MTCL1: variants seen among roughly 807,000 people sequenced by gnomAD.
MTCL1 encodes microtubule crosslinking factor 1.
MTCL1 carries 79 observed loss-of-function variants against 141.4 expected under a neutral mutation model. The ratio of observed to expected loss-of-function variants is 0.56; its 90% CI spans 0.47 to 0.67. The LOEUF (loss-of-function observed/expected upper bound fraction) is 0.67, where lower values mean the gene tolerates loss of function less well. Among genes scored for constraint, MTCL1 ranks in the 30% least tolerant of loss-of-function variants. MTCL1 has a pLI of 0.00. For synonymous variants in MTCL1, 914 were observed against 875.8 expected (o/e 1.04, Z -0.77); for missense variants, 2,177 against 2,113.9 (o/e 1.03, Z -0.59).
chr18:8,825,796 C>T, exon 15 of MTCL1: 1 of 1,614,192 alleles, frequency 6.2e-7, no homozygotes, highest in South Asian at 1.1e-5. Flanking sequence ...CGCTCCACCA[C>T]CACAAGGGAG....
Position 8,782,886 on chromosome 18 carries a change from T to C in MTCL1, c.418-644T>C, listed in dbSNP as rs138644182. ...CCTCATGTTTTTGTCATGTCATTCT[T>C]GTGGGACATTAGGGCTGGGGAGACC... On this transcript the variant is annotated intron_variant, in intron 5 of 16. Coordinates refer to ENST00000359865, the Ensembl canonical transcript of MTCL1. 1.6e-4 allele frequency among the ~76,000 whole-genome samples: 25 copies of C among 152,328 alleles called. No individual in the cohort carries two copies. In the East Asian group the frequency reaches 4.2e-3, roughly 26 times the overall value.
intron 4 of MTCL1, among the ~76,000 whole-genome samples, chr18:8,767,495 C>G (rs2096464876): frequency 6.6e-6 from 1 of 152,192 alleles, no homozygotes; most frequent in African/African-American, 2.4e-5. Context: ...TTACTGTCCT[C>G]AAATATACAT....
At chr18:8,732,859 C>T (rs768215116) in intron 4 of MTCL1, among the ~76,000 whole-genome samples, 2 of 152,264 alleles carry the variant, frequency 1.3e-5, no homozygotes, top group Admixed American at 6.5e-5. Context: ...TTCCTTGCAT[C>T]GTAGATATGC....
intron 5 of MTCL1, 54 bp downstream of exon 4, chr18:8,777,946 A>ATTTTGACTTCAC (rs2096517926): frequency 1.3e-6 from 2 of 1,526,628 alleles, no homozygotes; most frequent in Non-Finnish European, 1.8e-6. Flanking sequence ...AAGTCAACTC[A>ATTTTGACTTCAC]TTTTGAATGT....
At chr18:8,723,921 A>G (rs2096190244) in intron 4 of MTCL1, among the ~76,000 whole-genome samples, 1 of 151,862 alleles carries the variant, frequency 6.6e-6, no homozygotes. Context: ...TTCCATTGAT[A>G]AGAAATATCC....
chr18:8,807,122 G>A (rs1395509918), intron 11 of MTCL1, 62 bp downstream of exon 10: 2 of 1,495,292 alleles, frequency 1.3e-6, no homozygotes, highest in Non-Finnish European at 1.8e-6. Flanking sequence ...AGGATATGTG[G>A]CGGGGGAGCG....
chr18:8,729,176 C>G (rs1418454804), intron 4 of MTCL1, among the ~76,000 whole-genome samples: 1 of 116,482 alleles, frequency 8.6e-6, no homozygotes, highest in East Asian at 3.1e-4. Context: ...CTTTCCACCC[C>G]CACCCCCGGC....
At chr18:8,756,260 C>T (rs2096397101) in intron 4 of MTCL1, among the ~76,000 whole-genome samples, 1 of 152,088 alleles carries the variant, frequency 6.6e-6, no homozygotes, top group Admixed American at 6.5e-5. Flanking sequence ...CACATTTCCA[C>T]TACAGAACAG....
chr18:8,802,261 G>C (rs2076147127), intron 10 of MTCL1: 2 of 152,218 alleles, frequency 1.3e-5, no homozygotes, highest in Non-Finnish European at 2.9e-5. Flanking sequence ...GAATTCTCCT[G>C]CCTCTGTCAA....
At chr18:8,829,850 G>T (rs1293934481) in intron 16 of MTCL1, 15 of 985,120 alleles carry the variant, frequency 1.5e-5, no homozygotes, top group African/African-American at 1.7e-5. Context: ...GTACATGCCG[G>T]TGTGTTACTA....
At chr18:8,829,393 A>G in intron 16 of MTCL1, 1 of 985,300 alleles carries the variant, frequency 1.0e-6, no homozygotes, top group Middle Eastern at 5.2e-4. Flanking sequence ...GTGTGACCCT[A>G]ATGTGATAAG....
intron 4 of MTCL1, among the ~76,000 whole-genome samples, chr18:8,725,014 A>G (rs557235670): frequency 4.0e-5 from 6 of 151,102 alleles, no homozygotes; most frequent in African/African-American, 1.5e-4. Context: ...AACTCTACCT[A>G]TAGTGGAATC....
exon 5 of MTCL1, chr18:8,777,860 G>A (rs2143312524): frequency 6.2e-7 from 1 of 1,613,848 alleles, no homozygotes. Context: ...AAGCACTCGG[G>A]AAATGTACAA....
chr18:8,825,098 G>T lies in MTCL1; in HGVS notation c.3588G>T (p.Pro1196=), dbSNP rs113084211. The change falls in exon 15 of 17, where the codon CCG becomes CCT. Residue 1196 remains proline (P), a synonymous_variant. Coordinates refer to ENST00000359865, the Ensembl canonical transcript of MTCL1. ...CGGGGTTGCGCGTGTTACACAGCCC[G>T]CCTGCCGTGCGCAGGGTCGACAGCA... The T allele has an allele frequency of 2.6e-5, 41 of 1,605,690 alleles. No homozygotes were observed. The East Asian group carries it at 9.2e-4, about 36-fold the overall frequency.
chr18:8,800,285 C>T (rs951032971), intron 10 of MTCL1, among the ~76,000 whole-genome samples: 1 of 152,168 alleles, frequency 6.6e-6, no homozygotes, highest in African/African-American at 2.4e-5. Context: ...CCTCGCAAGG[C>T]GATTAGTAGC....
chr18:8,739,630 A>G (rs181098786), intron 4 of MTCL1, among the ~76,000 whole-genome samples: 96 of 152,352 alleles, frequency 6.3e-4, no homozygotes, highest in African/African-American at 2.2e-3. Context: ...GTGATCATAC[A>G]GCCTTCTGCT....
chr18:8,796,420 G>A, exon 9 of MTCL1: 1 of 1,614,170 alleles, frequency 6.2e-7, no homozygotes, highest in African/African-American at 1.3e-5. Flanking sequence ...AACACTGGCG[G>A]CAAGGGAAGC....
intron 3 of MTCL1, among the ~76,000 whole-genome samples, chr18:8,719,208 T>G (rs2096151415): frequency 6.6e-6 from 1 of 152,222 alleles, no homozygotes; most frequent in Non-Finnish European, 1.5e-5. Context: ...TAAGCCATTT[T>G]CTCTCCGTGG....
intron 4 of MTCL1, among the ~76,000 whole-genome samples, chr18:8,748,558 A>G (rs1329301201): frequency 2.6e-5 from 4 of 151,964 alleles, no homozygotes; most frequent in African/African-American, 9.7e-5. Flanking sequence ...AAATATATGT[A>G]TGTATGTGTA....
Sources: gnomAD v4.1 joint callset for allele counts (sites outside exome capture counted in the v4.1 genomes callset) on GRCh38, gnomAD v4.1.1 for gene constraint, MANE v1.5 for transcripts, NCBI Gene and HGNC (gene_info 2026-07-23, HGNC 2026-07-21) for gene names.